TRMT44: variants seen among roughly 807,000 people sequenced by gnomAD.
TRMT44 encodes probable tRNA (uracil-O(2)-)-methyltransferase.
In TRMT44, 78 loss-of-function variants were observed where a neutral mutation model predicts 77.3. The ratio of observed to expected loss-of-function variants is 1.01; its 90% confidence interval spans 0.84 to 1.22. The LOEUF is 1.22. TRMT44 is among the 50% of genes most tolerant of loss of function. The pLI is 0.00. For missense variants in TRMT44, 1,090 were observed against 964.4 expected, an observed-to-expected ratio of 1.13 and a Z score of -1.73; for synonymous variants, 391 against 383.3, an observed-to-expected ratio of 1.02 and a Z score of -0.23.
chr4:8,488,448 A>G (rs2631743), intron 2 of TRMT44, among the ~76,000 whole-genome samples: 112,477 of 152,126 alleles, frequency 0.74, 42,304 homozygotes, highest in African/African-American at 0.87. Flanking sequence ...TCTCTGGTGG[A>G]CAGGAGTGGG....
chr4:8,462,369 C>T (rs1032862631), intron 6 of TRMT44, among the ~76,000 whole-genome samples: 39 of 151,598 alleles, frequency 2.6e-4, no homozygotes, highest in African/African-American at 9.2e-4. Context: ...CGAGATCGCA[C>T]CACTGCACGC....
At position 8,465,446 on chromosome 4, in the gene TRMT44, G is replaced by C. The variant is rs760461331; in HGVS notation, c.1379G>C (p.Arg460Pro). The change falls in exon 8 of 11, where the codon CGG (arginine) becomes CCG (proline). Residue 460 changes from arginine to proline, a missense_variant. Coordinates refer to ENST00000389737, the MANE Select transcript of TRMT44 (RefSeq NM_152544.3). ...CFFDFIGRYS[R>P]RQSKKTQYRE... The stretch of plus-strand genomic sequence containing the variant: ...TTTGACTTCATTGGAAGATACTCCC[G>C]GAGGCAGAGTAAGAAGACTCAGTAC... The C allele has an allele frequency of 1.2e-6, 2 of 1,614,076 alleles. No individual in the cohort carries two copies. The highest frequency in any genetic ancestry group is 8.5e-7 in the Non-Finnish European group (1 of 1,180,010).
the TRMT44 span, among the ~76,000 whole-genome samples, chr4:8,514,813 A>G: frequency 6.6e-6 from 1 of 152,210 alleles, no homozygotes. Flanking sequence ...TAACACAGTT[A>G]CCTGCAAAGG....
At chr4:8,449,946 TTTC>T in intron 3 of TRMT44, 58 bp downstream of exon 3, 19 of 615,342 alleles carry the variant, frequency 3.1e-5, no homozygotes, top group Non-Finnish European at 3.4e-5. Context: ...TTTCTTTTCT[TTTC>T]TTTTTTTTTT....
chr4:8,454,456 T>A (rs1292327252), intron 5 of TRMT44: 1 of 500,996 alleles, frequency 2.0e-6, no homozygotes, highest in Admixed American at 3.2e-5. Context: ...AGGCCATCAG[T>A]ACAGTACTGT....
In TRMT44 at chr4:8,440,957, C is replaced by G. The variant is rs1255514857; in HGVS notation, c.135C>G (p.Ala45=). The G allele has an allele frequency of 5.2e-6, 8 of 1,529,050 alleles. No homozygotes were observed. The East Asian group carries it at 2.0e-4, about 38-fold the overall frequency. The allele number at this position is 1,529,050 out of a possible 1,614,324, so 94.7% of individuals were successfully genotyped here. Reference sequence around the variant, plus strand: ...GGCTTTGCGGCGCCCGCCTGGAGGCCCGCTGGAGCGCCGCCCTGCCCTGCG... The same window carrying G: ...GGCTTTGCGGCGCCCGCCTGGAGGCGCGCTGGAGCGCCGCCCTGCCCTGCG... ...NKRLCGARLE[A]RWSAALPCAE... is the part of the protein sequence containing the mutation. Residue 45 remains alanine (A), a synonymous_variant, in exon 1 of 11, where the codon GCC becomes GCG. Transcript: ENST00000389737.
At chr4:8,479,826 T>A (rs1373961045), downstream of TRMT44, among the ~76,000 whole-genome samples, 2 of 149,120 alleles carry the variant, frequency 1.3e-5, no homozygotes, top group African/African-American at 2.6e-5. Context: ...GACTCTTTTT[T>A]AATAACAGCT....
At chr4:8,481,761 C>G (rs1004057858) in intron 2 of TRMT44, among the ~76,000 whole-genome samples, 1 of 152,248 alleles carries the variant, frequency 6.6e-6, no homozygotes, top group Non-Finnish European at 1.5e-5. Flanking sequence ...ATATCACTGT[C>G]TCCCACCTCC....
chr4:8,444,471 C>T lies in TRMT44; in HGVS notation c.620-2005C>T, dbSNP rs1269249563. Among the ~76,000 whole-genome samples the T allele has an allele frequency of 6.6e-6, 1 of 150,670 alleles. No individual in the cohort carries two copies. The highest frequency in any genetic ancestry group is 1.5e-5 in the Non-Finnish European group (1 of 67,890). ...AGAGTGCAGTGGTGTGATTTCAGCTCACTGCAACCTCCGCCTCCTGGGTTC... is the reference window on the plus strand; with the variant it reads ...AGAGTGCAGTGGTGTGATTTCAGCTTACTGCAACCTCCGCCTCCTGGGTTC... On this transcript the variant is annotated intron_variant, in intron 1 of 10. Coordinates refer to ENST00000389737, the MANE Select transcript of TRMT44 (RefSeq NM_152544.3). This position sits in a 1 kb window ranked among gnomAD's most constrained non-coding sequence, Gnocchi z 4.0.
At chr4:8,505,578 C>CGCTGCACTA in the TRMT44 span, among the ~76,000 whole-genome samples, 6 of 152,332 alleles carry the variant, frequency 3.9e-5, no homozygotes, top group African/African-American at 1.4e-4. Flanking sequence ...GCCTGCCCTC[C>CGCTGCACTA]GCTGCACTAG....
At chr4:8,500,646 C>G in the TRMT44 span, among the ~76,000 whole-genome samples, 2 of 150,830 alleles carry the variant, frequency 1.3e-5, no homozygotes, top group East Asian at 2.0e-4. Flanking sequence ...AAGTGTCTGG[C>G]AGGCACTGTT....
chr4:8,453,100 G>T, intron 5 of TRMT44, 111 bp downstream of exon 5: 2 of 603,020 alleles, frequency 3.3e-6, no homozygotes, highest in Non-Finnish European at 5.5e-6. Context: ...TTTGGAGTCA[G>T]CCAGCTATCA....
chr4:8,507,042 A>C, the TRMT44 span: 1 of 152,426 alleles, frequency 6.6e-6, no homozygotes, highest in South Asian at 2.1e-4. Context: ...GCCTGAAGGG[A>C]CAAGGAGGCC....
rs1336524389 is a variant in TRMT44, at chr4:8,464,109, T to C, written c.1310+18T>C. ...GCAGCCAGGTGAGAAGTAGAGGAGT[T>C]ATCAGGTGAATGGCTGGGGAATGCT... On this transcript the variant is annotated intron_variant, in intron 7 of 10. Transcript: ENST00000389737. 2 of 1,603,018 alleles carry C rather than the reference T, an allele frequency of 1.2e-6. No homozygotes were observed. Among genetic ancestry groups the C allele is most frequent in the South Asian group, 2.2e-5 (2 of 90,558 alleles).
At chr4:8,486,809 G>A (rs992650568) in intron 2 of TRMT44, among the ~76,000 whole-genome samples, 4 of 150,334 alleles carry the variant, frequency 2.7e-5, no homozygotes, top group Admixed American at 1.3e-4. Context: ...TAAACCGGAC[G>A]GGGTGTGAGG....
rs979864563 is a variant in TRMT44 at position 8,444,361 on chromosome 4, G to A, written c.620-2115G>A. On this transcript the variant is annotated intron_variant, in intron 1 of 10. Coordinates refer to ENST00000389737, the MANE Select transcript of TRMT44 (RefSeq NM_152544.3). The surrounding 1 kb of genome is among the most constrained non-coding windows in gnomAD (Gnocchi z 4.0). ...TATGAATAACACCTAGTATATGATA[G>A]TCTAACAGGGGGATTATAATGAATA... Among the ~76,000 whole-genome samples, 1 of 151,766 alleles carries A rather than the reference G, an allele frequency of 6.6e-6. No homozygotes were observed. The highest frequency in any genetic ancestry group is 2.4e-5 in the African/African-American group (1 of 41,308).
At chr4:8,443,595 A>T (rs1295552735) in intron 1 of TRMT44, among the ~76,000 whole-genome samples, 1 of 152,216 alleles carries the variant, frequency 6.6e-6, no homozygotes, top group African/African-American at 2.4e-5. Context: ...AAATGGAATT[A>T]ATACATTGTA....
At chr4:8,510,418 C>A in the TRMT44 span, 3 of 152,826 alleles carry the variant, frequency 2.0e-5, no homozygotes, top group Admixed American at 1.3e-4. Context: ...ATCACATGGC[C>A]CACCCGCCAA....
intron 2 of TRMT44, among the ~76,000 whole-genome samples, chr4:8,485,746 G>A (rs1052314786): frequency 3.9e-5 from 6 of 152,096 alleles, no homozygotes; most frequent in African/African-American, 9.7e-5. Flanking sequence ...AAAATATCTC[G>A]GCCTAATAAG....
Sources: allele counts gnomAD v4.1 joint callset (sites outside exome capture counted in the v4.1 genomes callset), GRCh38; gene constraint gnomAD v4.1.1; non-coding constraint Gnocchi (gnomAD v3.1); transcripts MANE v1.5; gene names NCBI Gene and HGNC (gene_info 2026-07-23, HGNC 2026-07-21).